The following MEMO1 variants were observed in gnomAD, a reference collection of about 807,000 sequenced individuals.
The protein encoded by MEMO1 is protein MEMO1.
A neutral mutation model predicts 45.2 loss-of-function variants in MEMO1; 6 were observed. The observed-to-expected ratio is 0.13, with a 90% CI of 0.07 to 0.26. The LOEUF is 0.26. Ranked by LOEUF, MEMO1 falls within the 10% of genes least tolerant of loss-of-function variation. MEMO1 has a pLI of 1.00. For synonymous variants in MEMO1, 78 were observed against 124.3 expected (o/e 0.63, Z 2.48); for missense variants, 184 against 370.5 (o/e 0.50, Z 4.13).
intron 7 of MEMO1, among the ~76,000 whole-genome samples, 181 bp downstream of exon 7, chr2:31,891,811 T>C (rs530782444): frequency 3.3e-5 from 5 of 152,292 alleles, no homozygotes; most frequent in South Asian, 2.1e-4. Context: ...TAATCCACTA[T>C]TGTAATCTGA....
At chr2:31,976,914 T>A (rs1670068062) in intron 2 of MEMO1, among the ~76,000 whole-genome samples, 1 of 152,174 alleles carries the variant, frequency 6.6e-6, no homozygotes, top group Non-Finnish European at 1.5e-5. Context: ...CAAGCAATTA[T>A]TGAGATCTTT....
At chr2:31,917,236 T>C (rs1681591233) in intron 6 of MEMO1, among the ~76,000 whole-genome samples, 1 of 152,150 alleles carries the variant, frequency 6.6e-6, no homozygotes, top group African/African-American at 2.4e-5. Context: ...AGGAAATGGT[T>C]TTAAAAATTA....
intron 2 of MEMO1, among the ~76,000 whole-genome samples, chr2:32,007,043 A>G (rs910411432): frequency 3.3e-5 from 5 of 151,788 alleles, no homozygotes; most frequent in Admixed American, 6.6e-5. Flanking sequence ...TATTTGCATC[A>G]TATTAGTCCC....
At chr2:31,910,614 C>A (rs1680418782) in intron 6 of MEMO1, among the ~76,000 whole-genome samples, 1 of 152,158 alleles carries the variant, frequency 6.6e-6, no homozygotes, top group Non-Finnish European at 1.5e-5. Context: ...TAATCCTGTA[C>A]TTTGGGAGGA....
At chr2:31,968,937 T>C (rs1467393549) in intron 2 of MEMO1, among the ~76,000 whole-genome samples, 1 of 152,122 alleles carries the variant, frequency 6.6e-6, no homozygotes, top group African/African-American at 2.4e-5. Flanking sequence ...AAATTGTTAA[T>C]TTTAAAGTAA....
chr2:31,957,034 C>T (rs1667483954), intron 2 of MEMO1, among the ~76,000 whole-genome samples: 1 of 150,932 alleles, frequency 6.6e-6, no homozygotes, highest in Non-Finnish European at 1.5e-5. Flanking sequence ...CCCAGCTACT[C>T]GGGAGGCTGA....
At chr2:32,000,558 G>A (rs1287808542) in intron 2 of MEMO1, among the ~76,000 whole-genome samples, 2 of 151,514 alleles carry the variant, frequency 1.3e-5, no homozygotes, top group South Asian at 2.1e-4. Flanking sequence ...TAAAGACAGG[G>A]TTTCATCATG....
intron 7 of MEMO1, among the ~76,000 whole-genome samples, chr2:31,890,164 T>C (rs921068852): frequency 3.3e-5 from 5 of 152,264 alleles, no homozygotes; most frequent in African/African-American, 1.2e-4. Flanking sequence ...AAGAGCAATA[T>C]TGAAATGTTT....
intron 2 of MEMO1, among the ~76,000 whole-genome samples, chr2:32,002,010 G>A (rs1354876241): frequency 6.6e-6 from 1 of 151,424 alleles, no homozygotes; most frequent in Non-Finnish European, 1.5e-5. Flanking sequence ...GCCGAGTGTG[G>A]TGGCACATGC....
At chr2:31,986,198 T>C (rs1241955706) in intron 2 of MEMO1, among the ~76,000 whole-genome samples, 1 of 152,030 alleles carries the variant, frequency 6.6e-6, no homozygotes, top group Non-Finnish European at 1.5e-5. Context: ...GTCGAGACCA[T>C]CCTGGCTAAC....
At chr2:31,984,765 C>T (rs1039754057) in intron 2 of MEMO1, among the ~76,000 whole-genome samples, 3 of 152,038 alleles carry the variant, frequency 2.0e-5, no homozygotes, top group South Asian at 2.1e-4. Flanking sequence ...AAGATTGTGC[C>T]GCTGCACTCC....
chr2:31,901,278 C>G (rs867092039), intron 6 of MEMO1, among the ~76,000 whole-genome samples: 96 of 137,580 alleles, frequency 7.0e-4, no homozygotes, highest in African/African-American at 2.5e-3. Flanking sequence ...GAGGCGGAGG[C>G]AGAAGAATCG....
At chr2:31,873,055 A>C (rs1674022438) in intron 8 of MEMO1, among the ~76,000 whole-genome samples, 1 of 152,300 alleles carries the variant, frequency 6.6e-6, no homozygotes, top group East Asian at 1.9e-4. Flanking sequence ...TGCTGTTGGC[A>C]AAAGTCCAAG....
chr2:31,935,995 A>G (rs1262128082), intron 3 of MEMO1, among the ~76,000 whole-genome samples: 1 of 151,564 alleles, frequency 6.6e-6, no homozygotes, highest in Non-Finnish European at 1.5e-5. Context: ...ACAGAGTCTC[A>G]CTCTGTCACC....
At chr2:31,915,696 C>T (rs1480423497) in intron 6 of MEMO1, among the ~76,000 whole-genome samples, 3 of 152,148 alleles carry the variant, frequency 2.0e-5, no homozygotes, top group Non-Finnish European at 4.4e-5. Context: ...AGAGCCAGCA[C>T]TAAGGCCCAA....
intron 3 of MEMO1, among the ~76,000 whole-genome samples, chr2:31,933,363 A>T (rs1401292312): frequency 3.4e-5 from 4 of 117,586 alleles, no homozygotes; most frequent in African/African-American, 1.3e-4. Flanking sequence ...ATATATATAT[A>T]TATATATATA....
At chr2:32,002,162 A>AT (rs1297586843) in intron 2 of MEMO1, among the ~76,000 whole-genome samples, 90 of 124,534 alleles carry the variant, frequency 7.2e-4, no homozygotes, top group African/African-American at 2.6e-3. Flanking sequence ...AAAAAAAAAA[A>AT]AAAAAAATAT....
chr2:31,990,172 G>T (rs1331055768), intron 2 of MEMO1, among the ~76,000 whole-genome samples: 1 of 152,102 alleles, frequency 6.6e-6, no homozygotes, highest in Non-Finnish European at 1.5e-5. Context: ...GGTGAGGCCA[G>T]ATTTTCTCCA....
At chr2:32,010,105 G>A (rs1451907670) in intron 2 of MEMO1, 82 bp downstream of exon 2, 7 of 705,152 alleles carry the variant, frequency 9.9e-6, no homozygotes, top group Non-Finnish European at 1.0e-5. Context: ...CGCCGCCGCG[G>A]GGCCGGGCCG....
Sources: allele counts gnomAD v4.1 joint callset (sites outside exome capture counted in the v4.1 genomes callset), GRCh38; gene constraint gnomAD v4.1.1; transcripts MANE v1.5; gene names NCBI Gene and HGNC (gene_info 2026-07-23, HGNC 2026-07-21).